CFAP95: variants seen among roughly 807,000 people sequenced by gnomAD.
The protein encoded by CFAP95 is cilia- and flagella-associated protein 95.
chr9:69,821,160 A>G, the CFAP95 span: 1 of 1,038,504 alleles, frequency 9.6e-7, no homozygotes, highest in Admixed American at 3.1e-5. Flanking sequence ...AAACGGAAAA[A>G]AGAATGAGAA....
the CFAP95 span, among the ~76,000 whole-genome samples, chr9:69,828,640 G>A: frequency 2.0e-5 from 3 of 152,158 alleles, no homozygotes; most frequent in African/African-American, 4.8e-5. Context: ...CCGAGACTGA[G>A]CCACTGCACT....
the CFAP95 span, among the ~76,000 whole-genome samples, chr9:69,840,321 A>C: frequency 2.0e-5 from 3 of 152,198 alleles, no homozygotes; most frequent in African/African-American, 7.2e-5. Flanking sequence ...ATTTTTATAT[A>C]TGTATATATT....
At chr9:69,882,978 G>A in the CFAP95 span, among the ~76,000 whole-genome samples, 2 of 152,160 alleles carry the variant, frequency 1.3e-5, no homozygotes, top group Non-Finnish European at 2.9e-5. Context: ...GAATTTGGAA[G>A]TATACCTTCT....
At chr9:69,847,674 A>C in the CFAP95 span, among the ~76,000 whole-genome samples, 1 of 152,202 alleles carries the variant, frequency 6.6e-6, no homozygotes, top group Non-Finnish European at 1.5e-5. Context: ...GTCCACACAC[A>C]TGCTGGCTAG....
chr9:69,901,710 G>T, the CFAP95 span, among the ~76,000 whole-genome samples: 1 of 152,150 alleles, frequency 6.6e-6, no homozygotes, highest in African/African-American at 2.4e-5. Context: ...GCCCAGTAAT[G>T]AGGTGGCTGG....
At chr9:69,830,710 C>G in the CFAP95 span, among the ~76,000 whole-genome samples, 2 of 152,162 alleles carry the variant, frequency 1.3e-5, no homozygotes, top group Non-Finnish European at 2.9e-5. Context: ...TGCAGTGGCT[C>G]AATCATAGCT....
the CFAP95 span, among the ~76,000 whole-genome samples, chr9:69,838,658 T>C: frequency 1.1e-4 from 17 of 152,194 alleles, no homozygotes; most frequent in South Asian, 1.7e-3. Context: ...TTTCTAGATA[T>C]ATAATCATGT....
chr9:69,837,527 T>C, the CFAP95 span, among the ~76,000 whole-genome samples: 4 of 152,244 alleles, frequency 2.6e-5, 1 homozygote, highest in Admixed American at 2.6e-4. Flanking sequence ...CATAAATGTC[T>C]TCTTTTGAGA....
chr9:69,848,798 T>C, the CFAP95 span, among the ~76,000 whole-genome samples: 5 of 152,180 alleles, frequency 3.3e-5, no homozygotes, highest in African/African-American at 4.8e-5. Context: ...TTGGCTATTA[T>C]ATGGGACTGG....
chr9:69,879,842 C>T, the CFAP95 span, among the ~76,000 whole-genome samples: 1 of 149,352 alleles, frequency 6.7e-6, no homozygotes, highest in Non-Finnish European at 1.5e-5. Context: ...CATGCCAAAC[C>T]ATCCCTGAAT....
At chr9:69,849,809 A>G in the CFAP95 span, among the ~76,000 whole-genome samples, 1 of 152,196 alleles carries the variant, frequency 6.6e-6, no homozygotes, top group Admixed American at 6.5e-5. Flanking sequence ...AAATAGATTC[A>G]CAGGAGAACA....
the CFAP95 span, among the ~76,000 whole-genome samples, chr9:69,871,882 A>C: frequency 2.0e-5 from 3 of 152,174 alleles, no homozygotes; most frequent in Admixed American, 6.5e-5. Context: ...TATTTAAAAC[A>C]CAAAGATAAC....
At chr9:69,845,639 A>C in the CFAP95 span, among the ~76,000 whole-genome samples, 1 of 152,158 alleles carries the variant, frequency 6.6e-6, no homozygotes, top group Non-Finnish European at 1.5e-5. Context: ...AGAGAGTAAT[A>C]AGGATCGCCT....
chr9:69,875,442 A>G, the CFAP95 span, among the ~76,000 whole-genome samples: 379 of 152,272 alleles, frequency 2.5e-3, 1 homozygote, highest in African/African-American at 8.7e-3. Flanking sequence ...TTAAATATTC[A>G]ATGAATGTTT....
chr9:69,861,526 A>G, the CFAP95 span, among the ~76,000 whole-genome samples: 2 of 152,060 alleles, frequency 1.3e-5, no homozygotes, highest in Non-Finnish European at 2.9e-5. Flanking sequence ...GCTTTCTGCT[A>G]AGGGAGGGGA....
the CFAP95 span, among the ~76,000 whole-genome samples, chr9:69,882,503 G>A: frequency 2.0e-5 from 3 of 152,102 alleles, no homozygotes; most frequent in Non-Finnish European, 4.4e-5. Context: ...AGTGGTGAAA[G>A]TGGCCATCCT....
At chr9:69,821,020 G>C in the CFAP95 span, 3 of 1,613,570 alleles carry the variant, frequency 1.9e-6, no homozygotes, top group Non-Finnish European at 2.5e-6. Context: ...AGCCGGTGTT[G>C]GTGTATTCCT....
chr9:69,903,200 A>G, the CFAP95 span, among the ~76,000 whole-genome samples: 1 of 152,216 alleles, frequency 6.6e-6, no homozygotes, highest in East Asian at 1.9e-4. Context: ...GCACCCTGGG[A>G]TAGATGCTTC....
At chr9:69,895,545 C>A in the CFAP95 span, among the ~76,000 whole-genome samples, 1 of 151,998 alleles carries the variant, frequency 6.6e-6, no homozygotes, top group Non-Finnish European at 1.5e-5. Flanking sequence ...TTATTTATGA[C>A]CAAGTATCCT....
Sources: allele counts gnomAD v4.1 joint callset (sites outside exome capture counted in the v4.1 genomes callset), GRCh38; gene constraint gnomAD v4.1.1; transcripts MANE v1.5; gene names NCBI Gene and HGNC (gene_info 2026-07-23, HGNC 2026-07-21).